The following LHX8 variants were observed in gnomAD, a reference collection of about 807,000 sequenced individuals.
LHX8 encodes the protein LIM/homeobox protein Lhx8.
Under a neutral mutation model 40.3 loss-of-function variants are expected in LHX8, and 12 were observed. The observed-to-expected ratio is 0.30, with a 90% CI of 0.19 to 0.48. The LOEUF (loss-of-function observed/expected upper bound fraction) is 0.48. Ranked by LOEUF, LHX8 falls within the 20% of genes least tolerant of loss-of-function variation. The pLI is 0.99. For missense variants in LHX8, 344 were observed against 433.7 expected (o/e 0.79, Z 1.84); for synonymous variants, 179 against 162.0 (o/e 1.10, Z -0.80).
the LHX8 span, among the ~76,000 whole-genome samples, chr1:75,175,927 C>T: frequency 6.6e-6 from 1 of 152,086 alleles, no homozygotes. Flanking sequence ...CAGTGTTTGG[C>T]TTTCTGTCCT....
chr1:75,136,711 T>A, intron 2 of LHX8, 22 bp downstream of exon 2: 1 of 1,534,388 alleles, frequency 6.5e-7, no homozygotes. Context: ...GGGGCTCGCG[T>A]GCTGGCAAGA....
downstream of LHX8, chr1:75,161,592 T>G (rs1208947873): frequency 6.6e-6 from 1 of 151,748 alleles, no homozygotes; most frequent in African/African-American, 2.4e-5. Context: ...CTTTAAAATC[T>G]AACAACTAAT....
rs1337887898 is a variant in LHX8 at position 75,136,620 on chromosome 1, A to G, written c.6A>G (p.Ser2=). The change falls in exon 2 of 9, where the codon TCA becomes TCG. Residue 2 remains serine, a synonymous_variant. Transcript: ENST00000356261. The stretch of plus-strand genomic sequence containing the variant: ...CTCCGCAGTGTCAGGGGCTCATGTC[A>G]GAGGAGTGCGGGCGGACTACAGCCC... M[S]EECGRTTALA... is the part of the protein sequence containing the mutation. 6.5e-7 allele frequency: 1 copy of G among 1,550,090 alleles called. No individual in the cohort carries two copies. The highest frequency in any genetic ancestry group is 2.0e-5 in the Admixed American group (1 of 51,006).
chr1:75,175,859 C>T, the LHX8 span, among the ~76,000 whole-genome samples: 1,531 of 152,172 alleles, frequency 0.01, 80 homozygotes, highest in Admixed American at 0.09. Context: ...GTGTGATGTT[C>T]CCTGCCCTGT....
chr1:75,176,576 C>G, the LHX8 span, among the ~76,000 whole-genome samples: 1 of 152,026 alleles, frequency 6.6e-6, no homozygotes, highest in Non-Finnish European at 1.5e-5. Flanking sequence ...GATATTAGCC[C>G]TTTGTCAGAC....
chr1:75,187,502 T>G, the LHX8 span, among the ~76,000 whole-genome samples: 1 of 152,160 alleles, frequency 6.6e-6, no homozygotes, highest in East Asian at 1.9e-4. Context: ...AAGGGTCTTG[T>G]GAGGAAAGTA....
chr1:75,138,822 A>C (rs987874076), intron 3 of LHX8, among the ~76,000 whole-genome samples: 3 of 152,150 alleles, frequency 2.0e-5, no homozygotes, highest in Non-Finnish European at 4.4e-5. Flanking sequence ...TTGCATAAAA[A>C]TCTAAGTTAA....
chr1:75,147,354 T>C (rs1557490473), intron 6 of LHX8, among the ~76,000 whole-genome samples: 1 of 152,178 alleles, frequency 6.6e-6, no homozygotes, highest in Non-Finnish European at 1.5e-5. Flanking sequence ...TTTTACTCTG[T>C]CAGAAACTCT....
At chr1:75,137,903 C>T (rs988709192) in intron 3 of LHX8, among the ~76,000 whole-genome samples, 1 of 152,120 alleles carries the variant, frequency 6.6e-6, no homozygotes, top group African/African-American at 2.4e-5. Flanking sequence ...TCAATATATT[C>T]CTGCTCTTAT....
the LHX8 span, among the ~76,000 whole-genome samples, chr1:75,191,042 A>G: frequency 6.6e-6 from 1 of 151,930 alleles, no homozygotes; most frequent in Non-Finnish European, 1.5e-5. Flanking sequence ...ATTTAGAAGA[A>G]ATGAAAAGAT....
intron 6 of LHX8, among the ~76,000 whole-genome samples, chr1:75,148,223 G>T (rs1032233646): frequency 6.6e-6 from 1 of 152,090 alleles, no homozygotes. Flanking sequence ...TATGATTTTT[G>T]TATTAAGTTT....
intron 3 of LHX8, among the ~76,000 whole-genome samples, chr1:75,139,808 G>A (rs1046189148): frequency 2.0e-5 from 3 of 152,116 alleles, no homozygotes; most frequent in South Asian, 2.1e-4. Flanking sequence ...TTTCAGCTTC[G>A]AAGTACCTTT....
intron 7 of LHX8, among the ~76,000 whole-genome samples, chr1:75,153,147 C>T (rs1300678618): frequency 6.6e-6 from 1 of 151,872 alleles, no homozygotes; most frequent in Non-Finnish European, 1.5e-5. Context: ...ACTCTGTCAC[C>T]CAGGCTGGAG....
downstream of LHX8, among the ~76,000 whole-genome samples, chr1:75,162,763 C>G (rs1170924029): frequency 2.0e-5 from 3 of 152,182 alleles, no homozygotes; most frequent in Middle Eastern, 0.01. Flanking sequence ...GTGATAGAAG[C>G]TTCTGACTTT....
At chr1:75,170,532 T>G in the LHX8 span, among the ~76,000 whole-genome samples, 15 of 152,210 alleles carry the variant, frequency 9.9e-5, no homozygotes, top group African/African-American at 2.7e-4. Context: ...GCAGAGTGCT[T>G]AAAAATCACT....
At chr1:75,160,627 G>A (rs1035287401) in intron 8 of LHX8, 192 bp from the exon 9 acceptor site, 14 of 597,738 alleles carry the variant, frequency 2.3e-5, no homozygotes, top group Non-Finnish European at 2.1e-5. Context: ...AGATTTGGGG[G>A]TAAAACTGTT....
chr1:75,148,710 A>G, intron 7 of LHX8, 28 bp downstream of exon 7: 3 of 1,363,222 alleles, frequency 2.2e-6, no homozygotes, highest in Non-Finnish European at 2.1e-6. Context: ...TTTTTTTTTT[A>G]AGGTTTTTAA....
At chr1:75,194,478 G>T in the LHX8 span, among the ~76,000 whole-genome samples, 2,802 of 152,274 alleles carry the variant, frequency 0.018, 76 homozygotes, top group African/African-American at 0.057. Context: ...GGCAAACACC[G>T]TGAGGATTTA....
chr1:75,167,214 C>A, the LHX8 span, among the ~76,000 whole-genome samples: 10 of 152,240 alleles, frequency 6.6e-5, no homozygotes, highest in Admixed American at 5.9e-4. Flanking sequence ...CGTTTTGCCA[C>A]ATCCCACCAT....
Sources: allele counts gnomAD v4.1 joint callset (sites outside exome capture counted in the v4.1 genomes callset), GRCh38; gene constraint gnomAD v4.1.1; transcripts MANE v1.5; gene names NCBI Gene and HGNC (gene_info 2026-07-23, HGNC 2026-07-21).